Variants in PLD5 observed in about 807,000 individuals in gnomAD.
PLD5 encodes phospholipase D family member 5, also known as inactive phospholipase D5.
A neutral mutation model predicts 61.1 loss-of-function variants in PLD5; 36 were observed. The ratio of observed to expected loss-of-function variants is 0.59; its 90% CI spans 0.45 to 0.78. PLD5 has a LOEUF of 0.78. Among genes scored for constraint, PLD5 ranks in the 30% least tolerant of loss-of-function variants. PLD5 has a pLI of 0.00. For missense variants in PLD5, 515 were observed against 644.4 expected (o/e 0.80, Z 2.17); for synonymous variants, 243 against 242.8 (o/e 1.00, Z -0.01).
chr1:242,259,326 CA>C (rs1553337790), intron 4 of PLD5, among the ~76,000 whole-genome samples: 2 of 150,560 alleles, frequency 1.3e-5, no homozygotes, highest in Non-Finnish European at 3.0e-5. Flanking sequence ...CTCTCTCTCT[CA>C]AAAAAAATAA....
At chr1:242,466,679 G>T (rs1390844876) in intron 1 of PLD5, among the ~76,000 whole-genome samples, 1 of 152,110 alleles carries the variant, frequency 6.6e-6, no homozygotes, top group African/African-American at 2.4e-5. Context: ...GATGACTTGA[G>T]TTAAGGAGTT....
chr1:242,155,306 G>C (rs1030523814), intron 5 of PLD5, among the ~76,000 whole-genome samples: 2 of 152,050 alleles, frequency 1.3e-5, no homozygotes, highest in Non-Finnish European at 2.9e-5. Context: ...CCAGATCCTG[G>C]ATTCATTGAT....
At chr1:242,257,408 G>A (rs1257290245) in intron 4 of PLD5, among the ~76,000 whole-genome samples, 3 of 152,180 alleles carry the variant, frequency 2.0e-5, no homozygotes, top group Non-Finnish European at 2.9e-5. Context: ...CAGCTGAGCA[G>A]GACTGTGTTA....
intron 5 of PLD5, among the ~76,000 whole-genome samples, chr1:242,158,276 C>A (rs191122504): frequency 6.6e-6 from 1 of 152,228 alleles, no homozygotes; most frequent in Non-Finnish European, 1.5e-5. Flanking sequence ...TGAACCAGAC[C>A]ACTTGGCTCC....
chr1:242,504,346 A>G (rs565729873), intron 1 of PLD5, among the ~76,000 whole-genome samples: 1 of 152,194 alleles, frequency 6.6e-6, no homozygotes, highest in Non-Finnish European at 1.5e-5. Context: ...TAAAAAATAG[A>G]CTAATATGAG....
intron 8 of PLD5, among the ~76,000 whole-genome samples, chr1:242,104,151 G>T (rs1206511461): frequency 6.6e-6 from 1 of 151,506 alleles, no homozygotes; most frequent in Non-Finnish European, 1.5e-5. Context: ...AGACAGTCTT[G>T]TTCTGTCCCC....
chr1:242,110,257 C>T (rs888451769), intron 7 of PLD5, among the ~76,000 whole-genome samples: 2 of 151,626 alleles, frequency 1.3e-5, no homozygotes, highest in Admixed American at 6.6e-5. Context: ...ATGTCAGGGC[C>T]AAGGGGAGGA....
intron 4 of PLD5, among the ~76,000 whole-genome samples, chr1:242,235,140 G>C (rs1671557059): frequency 1.3e-5 from 2 of 152,118 alleles, no homozygotes; most frequent in Non-Finnish European, 2.9e-5. Context: ...CTCATCACAA[G>C]AGTCATTTCT....
At chr1:242,384,324 C>A (rs1385284971) in intron 1 of PLD5, among the ~76,000 whole-genome samples, 6 of 152,210 alleles carry the variant, frequency 3.9e-5, no homozygotes, top group African/African-American at 1.4e-4. Context: ...GCTACAGCCA[C>A]TTCCCCTCAC....
At chr1:242,114,103 A>G (rs1661752639) in intron 6 of PLD5, 77 bp from the exon 7 acceptor site, 4 of 1,517,308 alleles carry the variant, frequency 2.6e-6, no homozygotes, top group Non-Finnish European at 3.6e-6. Flanking sequence ...CTTTGTTTCC[A>G]CGGACCTTGG....
At chr1:242,512,104 G>T (rs989968411) in intron 1 of PLD5, among the ~76,000 whole-genome samples, 1 of 152,050 alleles carries the variant, frequency 6.6e-6, no homozygotes, top group African/African-American at 2.4e-5. Context: ...AGGCTGGCCG[G>T]CCTTTAAGAG....
At chr1:242,205,503 A>G (rs1669265619) in intron 5 of PLD5, among the ~76,000 whole-genome samples, 1 of 152,208 alleles carries the variant, frequency 6.6e-6, no homozygotes, top group Non-Finnish European at 1.5e-5. Context: ...TGCACATGCA[A>G]ACAAAAATGA....
intron 9 of PLD5, among the ~76,000 whole-genome samples, chr1:242,094,879 G>A (rs191155564): frequency 1.3e-5 from 2 of 152,182 alleles, no homozygotes; most frequent in African/African-American, 4.8e-5. Flanking sequence ...GCTTGTAAGT[G>A]TCAGTGCTGG....
At chr1:242,486,345 C>T (rs541009218) in intron 1 of PLD5, among the ~76,000 whole-genome samples, 4 of 152,062 alleles carry the variant, frequency 2.6e-5, no homozygotes, top group African/African-American at 7.2e-5. Context: ...CCAGAATCTA[C>T]AAGAACTCAA....
In PLD5 at chr1:242,396,673, CT is replaced by C. The variant is rs1202041198; in HGVS notation, c.190-48432del. On this transcript the variant is annotated intron_variant, in intron 1 of 9. Transcript: ENST00000536534. Reference sequence around the variant, plus strand: ...CTATTTTCTTTCTTTCTTTTCTTTTCTTTTTTTTTTTTTTTTTTGAGACGGA... The same window carrying C: ...CTATTTTCTTTCTTTCTTTTCTTTTCTTTTTTTTTTTTTTTTTGAGACGGA... Among the ~76,000 whole-genome samples the C allele has an allele frequency of 1.7e-3, 214 of 129,532 alleles. 3 individuals carry two copies. Among genetic ancestry groups the C allele is most frequent in the African/African-American group, 2.4e-3 (84 of 35,492 alleles). 85.0% of individuals were successfully genotyped at this position (129,532 alleles called of 152,430 possible). A position where few individuals can be genotyped will look rare whatever the true frequency, so the allele number is the denominator to read the frequency against.
intron 5 of PLD5, among the ~76,000 whole-genome samples, chr1:242,174,887 C>T (rs35936390): frequency 0.083 from 12,680 of 152,040 alleles, 725 homozygotes; most frequent in South Asian, 0.2. Flanking sequence ...CGTCACACAC[C>T]GGGGCCGGTC....
At chr1:242,376,277 G>A (rs1355667806) in intron 1 of PLD5, among the ~76,000 whole-genome samples, 5 of 152,078 alleles carry the variant, frequency 3.3e-5, no homozygotes, top group Non-Finnish European at 7.4e-5. Flanking sequence ...TTTATCCACG[G>A]CTGGGAAACG....
chr1:242,280,539 T>C (rs1674665146), intron 3 of PLD5, among the ~76,000 whole-genome samples: 1 of 152,216 alleles, frequency 6.6e-6, no homozygotes, highest in Non-Finnish European at 1.5e-5. Context: ...CCTCAGGATC[T>C]ACAACAAAAC....
chr1:242,392,551 G>A (rs935756573), intron 1 of PLD5, among the ~76,000 whole-genome samples: 4 of 152,166 alleles, frequency 2.6e-5, no homozygotes, highest in African/African-American at 9.7e-5. Flanking sequence ...GTGAGAATCC[G>A]GTTTCCCATC....
Sources: allele counts gnomAD v4.1 joint callset (sites outside exome capture counted in the v4.1 genomes callset), GRCh38; gene constraint gnomAD v4.1.1; transcripts MANE v1.5; gene names NCBI Gene and HGNC (gene_info 2026-07-23, HGNC 2026-07-21).